CFDP1: variants seen among roughly 807,000 people sequenced by gnomAD.
CFDP1 encodes the protein heterochromatin-stabilizing protein CFDP1.
CFDP1 carries 31 observed loss-of-function variants against 40.1 expected under a neutral mutation model. The observed-to-expected ratio is 0.77, with a 90% confidence interval of 0.58 to 1.04. The LOEUF (loss-of-function observed/expected upper bound fraction) is 1.04, where lower values mean the gene tolerates loss of function less well. Ranked by LOEUF, CFDP1 falls within the 50% of genes least tolerant of loss-of-function variation. The pLI is 0.00. For missense variants in CFDP1, 423 were observed against 343.4 expected (o/e 1.23, Z -1.83); for synonymous variants, 167 against 120.0 (o/e 1.39, Z -2.56).
intron 5 of CFDP1, among the ~76,000 whole-genome samples, chr16:75,357,719 T>C (rs1336692736): frequency 6.6e-6 from 1 of 152,234 alleles, no homozygotes; most frequent in Non-Finnish European, 1.5e-5. Context: ...TTTGATCTTA[T>C]TCAGACCATT....
chr16:75,418,204 G>T (rs1672904955), intron 1 of CFDP1, among the ~76,000 whole-genome samples: 1 of 88,450 alleles, frequency 1.1e-5, no homozygotes, highest in African/African-American at 4.0e-5. Flanking sequence ...GATGAGCTGA[G>T]ATACACCACT....
At chr16:75,340,408 G>A (rs2078518860) in intron 5 of CFDP1, among the ~76,000 whole-genome samples, 1 of 152,110 alleles carries the variant, frequency 6.6e-6, no homozygotes, top group African/African-American at 2.4e-5. Flanking sequence ...TTAATAAGAT[G>A]CTTGGTTAAT....
At chr16:75,404,281 G>A (rs965021198) in intron 4 of CFDP1, among the ~76,000 whole-genome samples, 3 of 149,582 alleles carry the variant, frequency 2.0e-5, no homozygotes, top group Non-Finnish European at 3.0e-5. Context: ...TGTTGCCCAG[G>A]CTGGAGTGCA....
At chr16:75,407,172 A>G (rs191319897) in intron 4 of CFDP1, among the ~76,000 whole-genome samples, 1 of 152,282 alleles carries the variant, frequency 6.6e-6, no homozygotes, top group East Asian at 1.9e-4. Flanking sequence ...GCACAACCAC[A>G]CTCCAACCCG....
At chr16:75,397,341 C>G (rs1271939564) in intron 4 of CFDP1, among the ~76,000 whole-genome samples, 1 of 150,342 alleles carries the variant, frequency 6.7e-6, no homozygotes, top group African/African-American at 2.5e-5. Flanking sequence ...ATGATGAAAC[C>G]CCATCTCTAC....
intron 5 of CFDP1, among the ~76,000 whole-genome samples, chr16:75,323,496 T>C (rs936014145): frequency 6.6e-6 from 1 of 151,810 alleles, no homozygotes; most frequent in South Asian, 2.1e-4. Context: ...AAGTATACTA[T>C]AGGGCTGGGT....
intron 1 of CFDP1, among the ~76,000 whole-genome samples, chr16:75,428,386 C>G (rs528236349): frequency 6.6e-6 from 1 of 152,138 alleles, no homozygotes; most frequent in Admixed American, 6.5e-5. Flanking sequence ...GAGGCCGAAG[C>G]AAGTGGATCA....
chr16:75,409,285 T>C (rs4888411), intron 4 of CFDP1: 2 of 151,912 alleles, frequency 1.3e-5, no homozygotes, highest in Non-Finnish European at 2.9e-5. Flanking sequence ...TTTGACCACA[T>C]GCATTGAAAT....
intron 6 of CFDP1, among the ~76,000 whole-genome samples, chr16:75,298,304 A>T (rs186264464): frequency 6.6e-6 from 1 of 152,328 alleles, no homozygotes; most frequent in East Asian, 1.9e-4. Flanking sequence ...ACCCTGCAGG[A>T]GGACAGAGGG....
Position 75,433,374 on chromosome 16 carries a change from T to G in CFDP1, c.-22A>C, listed in dbSNP as rs370090047. The G allele has an allele frequency of 1.3e-6, 2 of 1,579,250 alleles. No individual in the cohort carries two copies. Among genetic ancestry groups the G allele is most frequent in the African/African-American group, 2.7e-5 (2 of 74,180 alleles). ...CCATGTTGCTGCCGCTCGACGCTGGTCAAACTCACAAGACCGCAGCAGCCG... is the reference window on the plus strand; with the variant it reads ...CCATGTTGCTGCCGCTCGACGCTGGGCAAACTCACAAGACCGCAGCAGCCG... On this transcript the variant is annotated 5_prime_UTR_variant, in exon 1 of 7. Coordinates refer to ENST00000283882, the MANE Select transcript of CFDP1 (RefSeq NM_006324.3).
intron 1 of CFDP1, among the ~76,000 whole-genome samples, chr16:75,430,031 C>T (rs2079391392): frequency 6.6e-6 from 1 of 152,148 alleles, no homozygotes; most frequent in African/African-American, 2.4e-5. Context: ...TCCATTAAGA[C>T]AGGACAACTC....
chr16:75,397,427 A>G (rs545118197), intron 4 of CFDP1, among the ~76,000 whole-genome samples: 80 of 151,736 alleles, frequency 5.3e-4, no homozygotes, highest in African/African-American at 1.8e-3. Context: ...AATCACTTGA[A>G]CCTGGGAGGC....
At chr16:75,341,605 T>C (rs1267900084) in intron 5 of CFDP1, among the ~76,000 whole-genome samples, 1 of 151,674 alleles carries the variant, frequency 6.6e-6, no homozygotes, top group African/African-American at 2.4e-5. Flanking sequence ...GGCATTGCTC[T>C]GGCAATTTGG....
intron 5 of CFDP1, among the ~76,000 whole-genome samples, chr16:75,320,893 A>C (rs1387140567): frequency 6.6e-6 from 1 of 152,240 alleles, no homozygotes; most frequent in Non-Finnish European, 1.5e-5. Flanking sequence ...GAGAAACAAG[A>C]ACCCAAATAT....
At chr16:75,430,727 G>A (rs968739030) in intron 1 of CFDP1, among the ~76,000 whole-genome samples, 5 of 152,164 alleles carry the variant, frequency 3.3e-5, no homozygotes, top group Non-Finnish European at 7.3e-5. Context: ...GCCTCCCTAA[G>A]TGATAGGATT....
intron 5 of CFDP1, among the ~76,000 whole-genome samples, chr16:75,320,309 T>G (rs2151509351): frequency 6.6e-6 from 1 of 152,312 alleles, no homozygotes; most frequent in Non-Finnish European, 1.5e-5. Flanking sequence ...GGTCATAATG[T>G]AAAACGTGTA....
At chr16:75,398,521 A>AGCTTCCACCTGGCAT (rs950736064) in intron 4 of CFDP1, among the ~76,000 whole-genome samples, 11 of 152,126 alleles carry the variant, frequency 7.2e-5, no homozygotes, top group African/African-American at 2.7e-4. Flanking sequence ...AAGATAATAC[A>AGCTTCCACCTGGCAT]GCTTCCACCT....
At chr16:75,310,099 T>C (rs774968117) in intron 5 of CFDP1, among the ~76,000 whole-genome samples, 202 of 152,332 alleles carry the variant, frequency 1.3e-3, no homozygotes, top group Admixed American at 2.2e-3. Flanking sequence ...ATGTTTCCAA[T>C]GTCACAATGA....
intron 1 of CFDP1, among the ~76,000 whole-genome samples, chr16:75,419,512 T>C (rs1355683028): frequency 2.0e-5 from 3 of 152,110 alleles, no homozygotes; most frequent in African/African-American, 7.2e-5. Context: ...CAAAAAGCAA[T>C]TTAAGAAGCT....
Sources: allele counts gnomAD v4.1 joint callset (sites outside exome capture counted in the v4.1 genomes callset), GRCh38; gene constraint gnomAD v4.1.1; transcripts MANE v1.5; gene names NCBI Gene and HGNC (gene_info 2026-07-23, HGNC 2026-07-21).